The following DENND4A variants were observed in gnomAD, a reference collection of about 807,000 sequenced individuals.
DENND4A encodes DENN domain containing 4A, also known as C-myc promoter-binding protein.
Under a neutral mutation model 199.3 loss-of-function variants are expected in DENND4A, and 70 were observed. The observed-to-expected ratio is 0.35, with a 90% CI of 0.29 to 0.43. The LOEUF (loss-of-function observed/expected upper bound fraction) is 0.43, where lower values mean the gene tolerates loss of function less well. DENND4A is among the 20% of genes least tolerant of loss of function. DENND4A has a pLI of 1.00. For synonymous variants in DENND4A, 686 were observed against 766.9 expected, an observed-to-expected ratio of 0.89 and a Z score of 1.74; for missense variants, 1,723 against 2,255.8, an observed-to-expected ratio of 0.76 and a Z score of 4.78.
chr15:65,704,743 ACCATG>A (rs1417360705), intron 15 of DENND4A, among the ~76,000 whole-genome samples: 1 of 151,976 alleles, frequency 6.6e-6, no homozygotes, highest in East Asian at 1.9e-4. Flanking sequence ...GGCACCTGCA[ACCATG>A]CCTAGCTAAT....
chr15:65,779,229 G>A (rs995350535), intron 1 of DENND4A, among the ~76,000 whole-genome samples: 7 of 152,104 alleles, frequency 4.6e-5, no homozygotes, highest in African/African-American at 1.7e-4. Context: ...GCCGAGGCGC[G>A]TGGATCGTCT....
At chr15:65,730,006 A>C (rs1209085733) in intron 9 of DENND4A, among the ~76,000 whole-genome samples, 4 of 152,202 alleles carry the variant, frequency 2.6e-5, no homozygotes, top group Non-Finnish European at 5.9e-5. Flanking sequence ...AAAGAATGCA[A>C]TTTATAAAAG....
chr15:65,744,984 A>C (rs2076351920), intron 4 of DENND4A, among the ~76,000 whole-genome samples: 1 of 152,266 alleles, frequency 6.6e-6, no homozygotes, highest in African/African-American at 2.4e-5. Context: ...TAAGAAGCCA[A>C]GTGTCTGAAT....
intron 30 of DENND4A, chr15:65,664,957 C>T (rs572829979): frequency 5.8e-5 from 28 of 482,114 alleles, no homozygotes; most frequent in Non-Finnish European, 9.4e-5. Flanking sequence ...TATTGTTTCC[C>T]TTAATACAGC....
chr15:65,734,385 C>T (rs1255954752), intron 7 of DENND4A, among the ~76,000 whole-genome samples: 2 of 152,128 alleles, frequency 1.3e-5, no homozygotes, highest in Non-Finnish European at 2.9e-5. Flanking sequence ...CTGACCCTCT[C>T]CCCACTATTG....
intron 24 of DENND4A, among the ~76,000 whole-genome samples, chr15:65,673,596 A>G (rs79719922): frequency 1.6e-4 from 25 of 151,878 alleles, no homozygotes; most frequent in African/African-American, 6.0e-4. Flanking sequence ...TCCAGACTAA[A>G]GACTTGATTG....
intron 27 of DENND4A, 136 bp from the exon 28 acceptor site, chr15:65,668,259 A>ACTG: frequency 3.1e-6 from 2 of 654,222 alleles, no homozygotes. Context: ...CCCAGGCTGG[A>ACTG]CTGCAGTGGT....
intron 23 of DENND4A, among the ~76,000 whole-genome samples, chr15:65,688,934 G>A (rs1464251713): frequency 2.6e-5 from 4 of 152,124 alleles, no homozygotes; most frequent in African/African-American, 7.2e-5. Flanking sequence ...GTGGCCTTAC[G>A]TTACCACAGT....
chr15:65,663,427 T>C (rs891982848), intron 32 of DENND4A, among the ~76,000 whole-genome samples: 1 of 151,982 alleles, frequency 6.6e-6, no homozygotes, highest in Non-Finnish European at 1.5e-5. Flanking sequence ...CAGGCTTGCC[T>C]CGAACTCCTG....
chr15:65,736,271 T>A (rs2076113536), intron 7 of DENND4A, among the ~76,000 whole-genome samples: 1 of 152,094 alleles, frequency 6.6e-6, no homozygotes, highest in Non-Finnish European at 1.5e-5. Flanking sequence ...ATTTTTTATT[T>A]TTTTGGAGAT....
At chr15:65,693,573 C>CT (rs1431976561) in intron 22 of DENND4A, among the ~76,000 whole-genome samples, 3 of 151,546 alleles carry the variant, frequency 2.0e-5, no homozygotes, top group African/African-American at 7.3e-5. Context: ...ACCAAACAGC[C>CT]TTTTTATACA....
intron 12 of DENND4A, among the ~76,000 whole-genome samples, chr15:65,721,751 C>T (rs2140314754): frequency 6.6e-6 from 1 of 152,158 alleles, no homozygotes; most frequent in African/African-American, 2.4e-5. Flanking sequence ...GCAGTTGAGA[C>T]TACAGCTACA....
At chr15:65,725,797 C>T (rs1013995314) in intron 11 of DENND4A, among the ~76,000 whole-genome samples, 1 of 152,092 alleles carries the variant, frequency 6.6e-6, no homozygotes, top group Non-Finnish European at 1.5e-5. Flanking sequence ...AATTTCTTTC[C>T]CTTTCTTCAG....
intron 3 of DENND4A, among the ~76,000 whole-genome samples, chr15:65,755,125 T>G (rs2076666890): frequency 6.6e-6 from 1 of 152,216 alleles, no homozygotes; most frequent in Admixed American, 6.5e-5. Context: ...GAAAACATTA[T>G]GCTAAGAAGT....
At chr15:65,674,796 A>C (rs1301375612) in intron 24 of DENND4A, among the ~76,000 whole-genome samples, 1 of 152,178 alleles carries the variant, frequency 6.6e-6, no homozygotes, top group African/African-American at 2.4e-5. Flanking sequence ...GATAACATAA[A>C]AGTCTCTTAC....
At chr15:65,665,700 CAAG>C (rs2076012828) in intron 29 of DENND4A, among the ~76,000 whole-genome samples, 1 of 152,030 alleles carries the variant, frequency 6.6e-6, no homozygotes, top group African/African-American at 2.4e-5. Flanking sequence ...GAAAGGGTAC[CAAG>C]AAGAACTCAT....
chr15:65,771,163 A>G (rs2077114316), intron 1 of DENND4A: 2 of 1,576,282 alleles, frequency 1.3e-6, no homozygotes, highest in African/African-American at 2.8e-5. Flanking sequence ...TATAAATAAA[A>G]ATTCCAGTTC....
At chr15:65,684,496 T>C (rs1345948572) in intron 23 of DENND4A, among the ~76,000 whole-genome samples, 2 of 152,270 alleles carry the variant, frequency 1.3e-5, no homozygotes, top group Non-Finnish European at 2.9e-5. Context: ...CATGTGCTTT[T>C]CGTCCATTAA....
At chr15:65,668,208 CTCTTTT>C in intron 27 of DENND4A, 85 bp from the exon 28 acceptor site, 1 of 958,818 alleles carries the variant, frequency 1.0e-6, no homozygotes, top group Non-Finnish European at 1.5e-6. Flanking sequence ...CTCTCTCTCT[CTCTTTT>C]TTTTTTTTTT....
Sources: allele counts gnomAD v4.1 joint callset (sites outside exome capture counted in the v4.1 genomes callset), GRCh38; gene constraint gnomAD v4.1.1; transcripts MANE v1.5; gene names NCBI Gene and HGNC (gene_info 2026-07-23, HGNC 2026-07-21).